Variants in PRUNE2 observed in about 807,000 individuals in gnomAD.
PRUNE2 encodes protein prune homolog 2.
Under a neutral mutation model 252.0 loss-of-function variants are expected in PRUNE2, and 164 were observed. That is an observed-to-expected ratio of 0.65 (90% CI 0.57 to 0.74). The LOEUF is 0.74. Among genes scored for constraint, PRUNE2 ranks in the 30% least tolerant of loss-of-function variants. PRUNE2 has a pLI of 0.00. For missense variants in PRUNE2, 3,495 were observed against 3,711.0 expected, an observed-to-expected ratio of 0.94 and a Z score of 1.51; for synonymous variants, 1,292 against 1,350.2, an observed-to-expected ratio of 0.96 and a Z score of 0.94.
At chr9:76,794,392 G>A (rs372856914) in intron 6 of PRUNE2, among the ~76,000 whole-genome samples, 50 of 152,176 alleles carry the variant, frequency 3.3e-4, no homozygotes, top group Admixed American at 1.1e-3. Flanking sequence ...TGAGGCAGGG[G>A]GATCACGAGG....
rs2046425297 is a variant in PRUNE2 at position 76,707,922 on chromosome 9, T to C, written c.4352A>G (p.Asn1451Ser). ...GETTETSDGM[N>S]FTKYVSVPEK... ...AGGTACAGATACATATTTTGTGAAA[T>C]TCATCCCATCTGAAGTCTCAGTAGT... Residue 1451 changes from asparagine (N) to serine (S), a missense_variant, in exon 8 of 19, where the codon AAT becomes AGT. Asn to Ser is a conservative substitution (Grantham distance 46). Transcript: ENST00000376718. 7 of 1,613,806 alleles carry C rather than the reference T, an allele frequency of 4.3e-6. No individual in the cohort carries two copies. The highest frequency in any genetic ancestry group is 1.6e-4 in the Middle Eastern group (1 of 6,082).
chr9:76,668,992 C>CTG (rs545648850), intron 9 of PRUNE2, among the ~76,000 whole-genome samples: 121 of 151,522 alleles, frequency 8.0e-4, no homozygotes, highest in African/African-American at 2.4e-3. Flanking sequence ...AGTCATCCCT[C>CTG]TGTGTGTGTG....
At chr9:76,864,498 T>C (rs936203708) in intron 1 of PRUNE2, among the ~76,000 whole-genome samples, 3 of 152,050 alleles carry the variant, frequency 2.0e-5, no homozygotes, top group African/African-American at 7.2e-5. Flanking sequence ...AATAAAAATC[T>C]AAGGTGTCAA....
At chr9:76,842,318 A>AC (rs1461939563) in intron 4 of PRUNE2, among the ~76,000 whole-genome samples, 1 of 152,220 alleles carries the variant, frequency 6.6e-6, no homozygotes, top group Non-Finnish European at 1.5e-5. Context: ...CCCTTTCCTT[A>AC]CACCTTACAA....
intron 1 of PRUNE2, among the ~76,000 whole-genome samples, chr9:76,894,326 C>T (rs2062678548): frequency 6.6e-6 from 1 of 152,178 alleles, no homozygotes; most frequent in Admixed American, 6.5e-5. Context: ...GAAAAACAAA[C>T]CAGCTTGCTA....
rs1300522733 is a variant in PRUNE2 at position 76,727,520 on chromosome 9, C to G, written c.757-13799G>C. Among the ~76,000 whole-genome samples, 8 of 152,100 alleles carry G rather than the reference C, an allele frequency of 5.3e-5. No homozygotes were observed. The East Asian group carries it at 1.5e-3, about 29-fold the overall frequency. On this transcript the variant is annotated intron_variant, in intron 6 of 18. Transcript: ENST00000376718. ...ATAAATGAAACCAAGCTTCGATTCT[C>G]TTAAACAAAGAAAACAGCAGGATGG...
At chr9:76,825,831 T>C (rs926564113) in intron 5 of PRUNE2, among the ~76,000 whole-genome samples, 2 of 152,202 alleles carry the variant, frequency 1.3e-5, no homozygotes, top group Non-Finnish European at 2.9e-5. Context: ...TGTAAAACAG[T>C]TGATCCAGGA....
At position 76,652,836 on chromosome 9, in the gene PRUNE2, A is replaced by G. The variant is rs143487599; in HGVS notation, c.8357-153T>C. On this transcript the variant is annotated intron_variant, in intron 10 of 18. Coordinates refer to ENST00000376718, the MANE Select transcript of PRUNE2 (RefSeq NM_015225.3). ...TACTCACTGGAGCATTTTGGATTTC[A>G]GAATTTTGAATTTGGGATGTTCAGC... is the stretch of plus-strand genomic sequence containing the variant. 4.5e-4 allele frequency among the ~76,000 whole-genome samples: 69 copies of G among 152,352 alleles called. 1 individual carries two copies. In the East Asian group the frequency reaches 0.013, roughly 28 times the overall value.
intron 6 of PRUNE2, among the ~76,000 whole-genome samples, chr9:76,774,328 G>A (rs1055896080): frequency 6.6e-6 from 1 of 151,780 alleles, no homozygotes; most frequent in Non-Finnish European, 1.5e-5. Flanking sequence ...TGTAAAGATG[G>A]GGTTTCACCA....
intron 6 of PRUNE2, among the ~76,000 whole-genome samples, chr9:76,751,273 G>GAC (rs796652358): frequency 0.047 from 2,682 of 56,838 alleles, 65 homozygotes; most frequent in African/African-American, 0.14. Flanking sequence ...CACACACACA[G>GAC]ACACACACAC....
At chr9:76,701,124 C>G (rs568089695) in intron 9 of PRUNE2, among the ~76,000 whole-genome samples, 8 of 152,314 alleles carry the variant, frequency 5.3e-5, no homozygotes, top group African/African-American at 1.9e-4. Context: ...GCCTCACCCC[C>G]AGAGTTCCTG....
At chr9:76,695,337 C>T (rs1425005198) in intron 9 of PRUNE2, among the ~76,000 whole-genome samples, 2 of 152,136 alleles carry the variant, frequency 1.3e-5, no homozygotes, top group Non-Finnish European at 2.9e-5. Flanking sequence ...CGCGCCCAGC[C>T]AGGAGAAGTT....
At position 76,705,213 on chromosome 9, in the gene PRUNE2, T is replaced by C; in HGVS notation, c.7061A>G (p.Tyr2354Cys). The change falls in exon 8 of 19, where the codon TAT becomes TGT. Residue 2354 changes from tyrosine to cysteine, a missense_variant. By Grantham distance (194) the Tyr-to-Cys change is radical. Coordinates refer to ENST00000376718, the MANE Select transcript of PRUNE2 (RefSeq NM_015225.3). ...ATCGATATTCTGGCCCATTACATCA[T>C]ATTCAAAATCACCCCACGAGGCTTC... ...SSEASWGDFE[Y>C]DVMGQNIDED... 1.2e-6 allele frequency: 2 copies of C among 1,614,040 alleles called. No individual in the cohort carries two copies. Among genetic ancestry groups the C allele is most frequent in the Non-Finnish European group, 1.7e-6 (2 of 1,179,898 alleles).
chr9:76,886,530 G>C (rs2133393807), intron 1 of PRUNE2, among the ~76,000 whole-genome samples: 1 of 152,302 alleles, frequency 6.6e-6, no homozygotes, highest in African/African-American at 2.4e-5. Context: ...CCAAGCCACT[G>C]ACTTCCGGAC....
intron 6 of PRUNE2, among the ~76,000 whole-genome samples, chr9:76,818,880 A>C (rs946899989): frequency 2.6e-5 from 4 of 152,212 alleles, no homozygotes; most frequent in African/African-American, 4.8e-5. Flanking sequence ...TCCCACAAAA[A>C]CTTTTATGTT....
intron 6 of PRUNE2, among the ~76,000 whole-genome samples, chr9:76,798,834 T>C (rs916516768): frequency 8.5e-5 from 13 of 152,154 alleles, no homozygotes; most frequent in African/African-American, 2.4e-4. Context: ...GAATCTCTTA[T>C]TGGATTTGAC....
intron 9 of PRUNE2, among the ~76,000 whole-genome samples, chr9:76,681,100 T>C (rs1451278352): frequency 2.6e-5 from 4 of 152,060 alleles, no homozygotes. Context: ...GAAAATCCAG[T>C]CACAGGCTAT....
chr9:76,749,561 G>T (rs977703413), intron 6 of PRUNE2, among the ~76,000 whole-genome samples: 4 of 152,142 alleles, frequency 2.6e-5, no homozygotes, highest in African/African-American at 7.2e-5. Context: ...AAACCCTTGC[G>T]TGTAACCGTT....
chr9:76,732,851 C>T (rs2048751299), intron 6 of PRUNE2, among the ~76,000 whole-genome samples: 1 of 152,170 alleles, frequency 6.6e-6, no homozygotes, highest in African/African-American at 2.4e-5. Flanking sequence ...GTATCTATCT[C>T]TCTGATTTTC....
Sources: gnomAD v4.1 joint callset for allele counts (sites outside exome capture counted in the v4.1 genomes callset) on GRCh38, gnomAD v4.1.1 for gene constraint, MANE v1.5 for transcripts, NCBI Gene and HGNC (gene_info 2026-07-23, HGNC 2026-07-21) for gene names.